Variants in URGCP observed in about 807,000 individuals in gnomAD.
URGCP encodes the protein up-regulator of cell proliferation.
In URGCP, 13 loss-of-function variants were observed where a neutral mutation model predicts 24.6. The ratio of observed to expected loss-of-function variants is 0.53; its 90% confidence interval spans 0.34 to 0.84. URGCP has a LOEUF of 0.84. Ranked by LOEUF, URGCP falls within the 40% of genes least tolerant of loss-of-function variation. URGCP has a pLI of 0.01. For missense variants in URGCP, 899 were observed against 1,194.3 expected (o/e 0.75, Z 3.64); for synonymous variants, 444 against 487.2 (o/e 0.91, Z 1.17).
chr7:43,877,652 T>A lies in URGCP; in HGVS notation c.1811A>T (p.Glu604Val). ...CCCTAGGGGCTCAGGCCAGAGCGGC[T>A]CCCCCACGTCTGTGGTGCCCCCATG... ...PKHGGTTDVG[E>V]PLWPEPLGVE... The change falls in exon 6 of 6, where the codon GAG (glutamate) becomes GTG (valine). Residue 604 changes from glutamate (E) to valine (V), a missense_variant. Coordinates refer to ENST00000453200, the MANE Select transcript of URGCP (RefSeq NM_001077663.3). The A allele has an allele frequency of 6.2e-7, 1 of 1,614,000 alleles. No individual in the cohort carries two copies. Among genetic ancestry groups the A allele is most frequent in the Non-Finnish European group, 8.5e-7 (1 of 1,180,016 alleles).
At chr7:43,924,469 C>A (rs1233689496) in intron 1 of URGCP, among the ~76,000 whole-genome samples, 1 of 152,054 alleles carries the variant, frequency 6.6e-6, no homozygotes, top group East Asian at 1.9e-4. Flanking sequence ...CATAAATAAC[C>A]ATTTATATAT....
intron 1 of URGCP, chr7:43,918,750 T>C (rs954462669): frequency 2.5e-6 from 2 of 812,262 alleles, no homozygotes; most frequent in Non-Finnish European, 4.3e-6. Flanking sequence ...TCAGATTGGG[T>C]TCGAGTTCTG....
At position 43,890,213 on chromosome 7, in the gene URGCP, C is replaced by CTTT. The variant is rs543947365; in HGVS notation, c.15-2400_15-2398dup. On this transcript the variant is annotated intron_variant, in intron 1 of 5. Transcript: ENST00000453200. Reference sequence around the variant, plus strand: ...AGCCACCACGCCCGGCCACTGGAAACTTTTTTTTTTTTTTTTTTTGAGACA... The same window carrying CTTT: ...AGCCACCACGCCCGGCCACTGGAAACTTTTTTTTTTTTTTTTTTTTTTGAGACA... Among the ~76,000 whole-genome samples the CTTT allele has an allele frequency of 6.6e-4, 72 of 108,762 alleles. 3 individuals carry two copies. Among genetic ancestry groups the CTTT allele is most frequent in the South Asian group, 9.3e-4 (3 of 3,218 alleles). The allele number at this position is 108,762 out of a possible 152,430, so 71.4% of individuals were successfully genotyped here. A position where few individuals can be genotyped will look rare whatever the true frequency, so the allele number is the denominator to read the frequency against.
chr7:43,903,874 T>C (rs1001581811), intron 1 of URGCP, among the ~76,000 whole-genome samples: 7 of 152,046 alleles, frequency 4.6e-5, no homozygotes, highest in African/African-American at 1.7e-4. Flanking sequence ...CTAGCGGAGA[T>C]GGATTATAGA....
In URGCP at chr7:43,877,661, T is replaced by A; in HGVS notation, c.1802A>T (p.Asp601Val). 1 of 1,614,098 alleles carries A rather than the reference T, an allele frequency of 6.2e-7. No individual in the cohort carries two copies. The highest frequency in any genetic ancestry group is 8.5e-7 in the Non-Finnish European group (1 of 1,180,028). ...CTCAGGCCAGAGCGGCTCCCCCACGTCTGTGGTGCCCCCATGCTTTGGTCT... is the reference window on the plus strand; with the variant it reads ...CTCAGGCCAGAGCGGCTCCCCCACGACTGTGGTGCCCCCATGCTTTGGTCT... ...TLRPKHGGTT[D>V]VGEPLWPEPL... The change falls in exon 6 of 6, where the codon GAC becomes GTC. Residue 601 changes from aspartate (D) to valine (V), a missense_variant. Physicochemically the swap from Asp to Val is radical, Grantham distance 152. Transcript: ENST00000453200.
intron 3 of URGCP, among the ~76,000 whole-genome samples, chr7:43,886,507 C>T (rs1366473482): frequency 6.6e-6 from 1 of 152,310 alleles, no homozygotes; most frequent in Admixed American, 6.5e-5. Flanking sequence ...AATCCCAACA[C>T]TTTGGGAGGC....
chr7:43,882,206 A>G (rs2095854995), intron 3 of URGCP, among the ~76,000 whole-genome samples: 1 of 151,946 alleles, frequency 6.6e-6, no homozygotes, highest in South Asian at 2.1e-4. Flanking sequence ...TGGGAGCCCA[A>G]GGCAGGAAAA....
rs2095849065 is a variant in URGCP at position 43,878,574 on chromosome 7, C to T, written c.889G>A (p.Asp297Asn). The change falls in exon 6 of 6, where the codon GAC (aspartate) becomes AAC (asparagine). Residue 297 changes from aspartate (D) to asparagine (N), a missense_variant. Coordinates refer to ENST00000453200, the MANE Select transcript of URGCP (RefSeq NM_001077663.3). This position sits in a 1 kb window ranked among gnomAD's most constrained non-coding sequence, Gnocchi z 5.6. ...HRQWDCFWHR[D>N]LNLGTNAREI... is the part of the protein sequence containing the mutation. ...CGGGCATTGGTGCCCAAGTTGAGGT[C>T]CCGATGCCAGAAGCAGTCCCACTGC... 2 of 1,614,062 alleles carry T rather than the reference C, an allele frequency of 1.2e-6. No individual in the cohort carries two copies. The highest frequency in any genetic ancestry group is 1.3e-5 in the African/African-American group (1 of 74,944).
rs1350500118 is a variant in URGCP at position 43,876,564 on chromosome 7, A to G, written c.*103T>C. On this transcript the variant is annotated 3_prime_UTR_variant, in exon 6 of 6. Transcript: ENST00000453200. ...CCTCGTCTTCTCATGTCGATTGGGCACCAGCCATTCTCAGGCACCAGAGCA... is the reference window on the plus strand; with the variant it reads ...CCTCGTCTTCTCATGTCGATTGGGCGCCAGCCATTCTCAGGCACCAGAGCA... 8.5e-6 allele frequency: 11 copies of G among 1,289,476 alleles called. No individual in the cohort carries two copies. Among genetic ancestry groups the G allele is most frequent in the Non-Finnish European group, 2.2e-6 (2 of 928,898 alleles). The allele number at this position is 1,289,476 out of a possible 1,614,324, so 79.9% of individuals were successfully genotyped here.
At chr7:43,918,712 A>T in intron 1 of URGCP, 1 of 710,354 alleles carries the variant, frequency 1.4e-6, no homozygotes, top group Non-Finnish European at 2.5e-6. Context: ...AAGAGAAATC[A>T]TCACCCACAA....
upstream of URGCP, among the ~76,000 whole-genome samples, chr7:43,909,408 T>A (rs1357530905): frequency 1.3e-5 from 2 of 152,180 alleles, no homozygotes; most frequent in East Asian, 3.9e-4. Flanking sequence ...TTTTTCAAAA[T>A]CATTGCCAAC....
At chr7:43,900,469 C>CAAAAAAAAAAAAAACAAAAAA (rs2095888336) in intron 1 of URGCP, among the ~76,000 whole-genome samples, 1 of 114,494 alleles carries the variant, frequency 8.7e-6, no homozygotes. Context: ...AAAACCAAAA[C>CAAAAAAAAAAAAAACAAAAAA]AAAAAAAAAA....
chr7:43,892,130 C>A (rs2095871732), intron 1 of URGCP, among the ~76,000 whole-genome samples: 1 of 151,756 alleles, frequency 6.6e-6, no homozygotes, highest in Admixed American at 6.6e-5. Flanking sequence ...GTAGCCCAGG[C>A]TGGTCTCAAA....
intron 1 of URGCP, among the ~76,000 whole-genome samples, chr7:43,920,558 GTC>G (rs2095921150): frequency 6.6e-6 from 1 of 152,158 alleles, no homozygotes. Context: ...GCGAGACTCT[GTC>G]TCAAAAACAA....
In URGCP at chr7:43,883,362, A is replaced by ATATAT. The variant is rs1554289259; in HGVS notation, c.113-1406_113-1405insATATA. Among the ~76,000 whole-genome samples, 175 of 88,280 alleles carry ATATAT rather than the reference A, an allele frequency of 2.0e-3. 1 individual carries two copies. Among genetic ancestry groups the ATATAT allele is most frequent in the African/African-American group, 8.8e-3 (158 of 17,934 alleles). The allele number at this position is 88,280 out of a possible 152,430, so 57.9% of individuals were successfully genotyped here. ...CATATATATATATATATATATATAT[A>ATATAT]TTTTTTTTTTTTTTTTGAGATGGAG... On this transcript the variant is annotated intron_variant, in intron 3 of 5. Transcript: ENST00000453200.
At chr7:43,905,616 C>T (rs1585830175) in intron 1 of URGCP, 1 of 152,052 alleles carries the variant, frequency 6.6e-6, no homozygotes, top group African/African-American at 2.4e-5. Flanking sequence ...CCACTGAACA[C>T]ACACCTGTAA....
At chr7:43,882,303 C>T (rs2095855140) in intron 3 of URGCP, among the ~76,000 whole-genome samples, 1 of 152,084 alleles carries the variant, frequency 6.6e-6, no homozygotes, top group Non-Finnish European at 1.5e-5. Flanking sequence ...ATTAGCTGGG[C>T]GTGGTGGCGC....
intron 1 of URGCP, chr7:43,918,895 T>C: frequency 1.4e-6 from 2 of 1,409,478 alleles, no homozygotes; most frequent in Non-Finnish European, 2.0e-6. Flanking sequence ...GCTGTGCTGC[T>C]GGACCTGGAG....
chr7:43,888,100 T>C (rs1224361798), intron 1 of URGCP: 1 of 351,580 alleles, frequency 2.8e-6, no homozygotes, highest in African/African-American at 2.1e-5. Flanking sequence ...TCTATAGGTA[T>C]ATATACAGAA....
Sources: gnomAD v4.1 joint callset for allele counts (sites outside exome capture counted in the v4.1 genomes callset) on GRCh38, gnomAD v4.1.1 for gene constraint, Gnocchi (gnomAD v3.1) non-coding constraint, MANE v1.5 for transcripts, NCBI Gene and HGNC (gene_info 2026-07-23, HGNC 2026-07-21) for gene names.